The following ABHD14B variants were observed in gnomAD, a reference collection of about 807,000 sequenced individuals.
The protein encoded by ABHD14B is putative protein-lysine deacylase ABHD14B.
A neutral mutation model predicts 15.4 loss-of-function variants in ABHD14B; 19 were observed. The ratio of observed to expected loss-of-function variants is 1.23; its 90% CI spans 0.86 to 1.81. ABHD14B has a LOEUF of 1.81. Ranked by LOEUF, ABHD14B falls within the 40% of genes most tolerant of loss-of-function variation. The pLI is 0.00. For missense variants in ABHD14B, 243 were observed against 267.0 expected, an observed-to-expected ratio of 0.91 and a Z score of 0.63; for synonymous variants, 92 against 117.3, an observed-to-expected ratio of 0.78 and a Z score of 1.39.
In ABHD14B at chr3:51,969,988, G is replaced by A. The variant is rs1700623439; in HGVS notation, c.408C>T (p.Pro136=). ...SQLPGFVPVA[P]ICTDKINAAN... Reference sequence around the variant, plus strand: ...CAGCATTGATTTTGTCAGTGCAGATGGGGGCCACTGGCACAAAGCCCGGGA... The same window carrying A: ...CAGCATTGATTTTGTCAGTGCAGATAGGGGCCACTGGCACAAAGCCCGGGA... Residue 136 remains proline (P), a synonymous_variant, in exon 3 of 4, where the codon CCC becomes CCT. Transcript: ENST00000361143. 1 of 1,614,032 alleles carries A rather than the reference G, an allele frequency of 6.2e-7. No individual in the cohort carries two copies. Among genetic ancestry groups the A allele is most frequent in the Non-Finnish European group, 8.5e-7 (1 of 1,179,982 alleles).
At chr3:51,971,422 C>T in intron 2 of ABHD14B, 38 bp downstream of exon 2, 4 of 1,496,982 alleles carry the variant, frequency 2.7e-6, no homozygotes, top group Non-Finnish European at 3.6e-6. Context: ...CTAATGAGAC[C>T]TCCCCAAACC....
chr3:51,971,352 C>T, intron 2 of ABHD14B, 108 bp downstream of exon 2: 1 of 1,321,312 alleles, frequency 7.6e-7, no homozygotes, highest in Non-Finnish European at 1.0e-6. Flanking sequence ...CCTCCAGATC[C>T]CACCGCCCCC....
chr3:51,969,278 C>CA lies in ABHD14B; in HGVS notation c.*147dup. 1.1e-6 allele frequency: 1 copy of CA among 909,060 alleles called. No homozygotes were observed. Among genetic ancestry groups the CA allele is most frequent in the Non-Finnish European group, 1.6e-6 (1 of 608,934 alleles). 56.3% of individuals were successfully genotyped at this position (909,060 alleles called of 1,614,324 possible). A position where few individuals can be genotyped will look rare whatever the true frequency, so the allele number is the denominator to read the frequency against. On this transcript the variant is annotated 3_prime_UTR_variant, in exon 4 of 4. Coordinates refer to ENST00000361143, the MANE Select transcript of ABHD14B (RefSeq NM_001146314.2). ...CTGCAAGAGAAAGAGGTAGAAAAGACAAACAGACCACAAAAGACAAGAACC... is the reference window on the plus strand; with the variant it reads ...CTGCAAGAGAAAGAGGTAGAAAAGACAAAACAGACCACAAAAGACAAGAACC...
At position 51,969,603 on chromosome 3, in the gene ABHD14B, A is replaced by T; in HGVS notation, c.456T>A (p.Thr152=). 6.2e-7 allele frequency: 1 copy of T among 1,611,482 alleles called. No individual in the cohort carries two copies. Among genetic ancestry groups the T allele is most frequent in the Non-Finnish European group, 8.5e-7 (1 of 1,178,832 alleles). The change falls in exon 4 of 4, where the codon ACT becomes ACA. Residue 152 remains threonine (T), a splice_region_variant and synonymous_variant. Coordinates refer to ENST00000361143, the MANE Select transcript of ABHD14B (RefSeq NM_001146314.2). ...GGTCTCCATATACAATCAGAGCTGG[A>T]GTCTGAGAGGAAGGATAGGGGGGTG... ...INAANYASVK[T]PALIVYGDQD...
intron 1 of ABHD14B, 69 bp from the exon 2 acceptor site, chr3:51,971,767 C>T: frequency 6.6e-7 from 1 of 1,507,292 alleles, no homozygotes; most frequent in Non-Finnish European, 8.9e-7. Context: ...CCCAGAGGAG[C>T]AGCAAGGAAG....
upstream of ABHD14B, chr3:51,974,129 T>C: frequency 9.5e-7 from 1 of 1,058,124 alleles, no homozygotes; most frequent in Non-Finnish European, 1.3e-6. Flanking sequence ...GCAGCGTCCA[T>C]AGACTCCGCT....
rs1030038091 is a variant in ABHD14B, at chr3:51,973,993, G to T, written c.-57C>A. 2.3e-6 allele frequency: 3 copies of T among 1,289,250 alleles called. No individual in the cohort carries two copies. Among genetic ancestry groups the T allele is most frequent in the Non-Finnish European group, 3.0e-6 (3 of 988,856 alleles). 79.9% of individuals were successfully genotyped at this position (1,289,250 alleles called of 1,614,324 possible). ...GGGAGCTGCGTGGACTCGCGCAGAC[G>T]GGAAGCAGGCGCGTGCTGGCGGTGA... On this transcript the variant is annotated 5_prime_UTR_variant, in exon 1 of 4. Transcript: ENST00000361143.
Position 51,971,630 on chromosome 3 carries a change from A to G in ABHD14B, c.41T>C (p.Val14Ala). The G allele has an allele frequency of 1.2e-6, 2 of 1,612,898 alleles. No individual in the cohort carries two copies. Among genetic ancestry groups the G allele is most frequent in the Non-Finnish European group, 1.7e-6 (2 of 1,179,752 alleles). The stretch of plus-strand genomic sequence containing the variant: ...TCGGAAGAAGAGGGCCTGGCCCTGC[A>G]CCTGGATGGTGCCCTCGCGCTGCTC... ...SVEQREGTIQVQGQALFFREA... is the reference protein window; with the variant it reads ...SVEQREGTIQAQGQALFFREA... The change falls in exon 2 of 4, where the codon GTG becomes GCG. Residue 14 changes from valine (V) to alanine (A), a missense_variant. Val to Ala is a moderately conservative substitution (Grantham distance 64). Transcript: ENST00000361143.
intron 2 of ABHD14B, among the ~76,000 whole-genome samples, chr3:51,970,977 G>T (rs1467059665): frequency 6.6e-6 from 1 of 152,228 alleles, no homozygotes; most frequent in Non-Finnish European, 1.5e-5. Context: ...CCACCCACCA[G>T]GCCCTGCCTT....
chr3:51,970,647 A>G (rs1370278620), intron 2 of ABHD14B: 2 of 458,432 alleles, frequency 4.4e-6, no homozygotes, highest in African/African-American at 4.0e-5. Flanking sequence ...GAAGGACAGC[A>G]GCTGAGGGGT....
At chr3:51,971,332 C>T (rs1700648968) in intron 2 of ABHD14B, 128 bp downstream of exon 2, 1 of 1,141,062 alleles carries the variant, frequency 8.8e-7, no homozygotes, top group Admixed American at 3.1e-5. Flanking sequence ...AGGGCCCAGC[C>T]TGGCTGGGTC....
At chr3:51,974,068 G>A, upstream of ABHD14B, 3 of 1,286,074 alleles carry the variant, frequency 2.3e-6, no homozygotes, top group Non-Finnish European at 3.0e-6. Flanking sequence ...CCATCCAGCG[G>A]GGGCGGGGAC....
chr3:51,970,655 G>A (rs1700636911), intron 2 of ABHD14B: 1 of 457,886 alleles, frequency 2.2e-6, no homozygotes. Context: ...GCAGCTGAGG[G>A]GTCGGTTCTG....
chr3:51,969,550 T>G lies in ABHD14B; in HGVS notation c.509A>C (p.Glu170Ala). ...DQDPMGQTSF[E>A]HLKQLPNHRV... ...GTGGTTGGGCAGCTGCTTCAGGTGC[T>G]CAAAGCTGGTCTGACCCATGGGGTC... The change falls in exon 4 of 4, where the codon GAG (glutamate) becomes GCG (alanine). Residue 170 changes from glutamate (E) to alanine (A), a missense_variant. Transcript: ENST00000361143. 6.2e-7 allele frequency: 1 copy of G among 1,613,868 alleles called. No homozygotes were observed. Among genetic ancestry groups the G allele is most frequent in the South Asian group, 1.1e-5 (1 of 91,080 alleles).
chr3:51,970,855 C>T (rs1440102765), intron 2 of ABHD14B: 9 of 454,716 alleles, frequency 2.0e-5, no homozygotes, highest in Admixed American at 4.7e-5. Flanking sequence ...CACCTGGCAC[C>T]GAGGGTTGGG....
rs1323481465 is a variant in ABHD14B, at chr3:51,968,907, T to G, written c.*519A>C. The G allele has an allele frequency of 6.4e-6, 1 of 156,718 alleles. No homozygotes were observed. Among genetic ancestry groups the G allele is most frequent in the Non-Finnish European group, 1.4e-5 (1 of 70,894 alleles). 9.7% of individuals were successfully genotyped at this position (156,718 alleles called of 1,614,324 possible). A position where few individuals can be genotyped will look rare whatever the true frequency, so the allele number is the denominator to read the frequency against. On this transcript the variant is annotated 3_prime_UTR_variant, in exon 4 of 4. Coordinates refer to ENST00000361143, the MANE Select transcript of ABHD14B (RefSeq NM_001146314.2). ...ATATGCAAAGCTGCACATGACAATG[T>G]GCATGCCAGTCCAGAGTTAGATGTA...
At chr3:51,973,895 G>A in intron 1 of ABHD14B, 70 bp downstream of exon 1, 1 of 1,289,872 alleles carries the variant, frequency 7.8e-7, no homozygotes. Flanking sequence ...TCCGAGAAAG[G>A]AAGACTTGGG....
chr3:51,972,273 A>T (rs1700672245), intron 1 of ABHD14B, among the ~76,000 whole-genome samples: 1 of 131,280 alleles, frequency 7.6e-6, no homozygotes, highest in Non-Finnish European at 1.6e-5. Flanking sequence ...TGATGGTCAC[A>T]TGTAACTCTC....
intron 1 of ABHD14B, among the ~76,000 whole-genome samples, chr3:51,972,634 G>T (rs1057325685): frequency 1.3e-5 from 2 of 152,072 alleles, no homozygotes; most frequent in East Asian, 3.8e-4. Context: ...CTCAATATGT[G>T]GTGGGGCTCC....
Sources: allele counts gnomAD v4.1 joint callset (sites outside exome capture counted in the v4.1 genomes callset), GRCh38; gene constraint gnomAD v4.1.1; transcripts MANE v1.5; gene names NCBI Gene and HGNC (gene_info 2026-07-23, HGNC 2026-07-21).